Variants in HS6ST2 observed in about 807,000 individuals in gnomAD.
HS6ST2 encodes heparan-sulfate 6-O-sulfotransferase 2.
A neutral mutation model predicts 33.0 loss-of-function variants in HS6ST2; 17 were observed. The ratio of observed to expected loss-of-function variants is 0.52; its 90% CI spans 0.35 to 0.77. HS6ST2 has a LOEUF of 0.77. Among genes scored for constraint, HS6ST2 ranks in the 30% least tolerant of loss-of-function variants. The probability of loss-of-function intolerance (pLI) is 0.01; values close to 1 mark genes in which losing one functional copy is unlikely to be tolerated. For synonymous variants in HS6ST2, 248 were observed against 237.1 expected, an observed-to-expected ratio of 1.05 and a Z score of -0.42; for missense variants, 519 against 551.7, an observed-to-expected ratio of 0.94 and a Z score of 0.59.
rs530839541 is a variant in HS6ST2, at chrX:132,682,638, C to CT, written c.981-13440dup. Among the ~76,000 whole-genome samples the CT allele has an allele frequency of 7.6e-3, 700 of 91,539 alleles. 2 individuals carry two copies. Among genetic ancestry groups the CT allele is most frequent in the African/African-American group, 0.015 (368 of 25,330 alleles). The allele number at this position is 91,539 out of a possible 115,157, so 79.5% of individuals were successfully genotyped here. A position where few individuals can be genotyped will look rare whatever the true frequency, so the allele number is the denominator to read the frequency against. ...ACTCCATCCACTCTAATGACGTTTA[C>CT]TTTTTTTTTTTTTTTTCAGAGCAGT... On this transcript the variant is annotated intron_variant, in intron 3 of 4. Coordinates refer to ENST00000370833, the MANE Select transcript of HS6ST2 (RefSeq NM_001394073.1).
intron 2 of HS6ST2, among the ~76,000 whole-genome samples, chrX:132,936,276 A>G (rs1260605815): frequency 9.0e-6 from 1 of 111,716 alleles, no homozygotes; most frequent in Non-Finnish European, 1.9e-5. Context: ...ACTGAAATTA[A>G]CTCACAAAGA....
intron 2 of HS6ST2, among the ~76,000 whole-genome samples, chrX:132,815,592 C>G (rs1280185415): frequency 8.9e-6 from 1 of 112,060 alleles, no homozygotes; most frequent in Non-Finnish European, 1.9e-5. Flanking sequence ...TTAATTTTGG[C>G]TCTGTTAGCT....
At chrX:132,824,820 C>T (rs1431205091) in intron 2 of HS6ST2, among the ~76,000 whole-genome samples, 1 of 112,265 alleles carries the variant, frequency 8.9e-6, no homozygotes, top group Non-Finnish European at 1.9e-5. Context: ...GCAGGGTCAA[C>T]ATTTTTTCCA....
At chrX:132,676,305 C>T (rs184484347) in intron 3 of HS6ST2, among the ~76,000 whole-genome samples, 3 of 111,923 alleles carry the variant, frequency 2.7e-5, no homozygotes, top group Admixed American at 9.4e-5. Context: ...AGGTTCCCGC[C>T]GGCAGGTGGC....
intron 4 of HS6ST2, among the ~76,000 whole-genome samples, chrX:132,661,505 T>A (rs1385285853): frequency 1.8e-5 from 2 of 111,522 alleles, no homozygotes; most frequent in Non-Finnish European, 3.8e-5. Context: ...GAAAAGCGTG[T>A]ATCCTGAAAA....
intron 4 of HS6ST2, among the ~76,000 whole-genome samples, chrX:132,637,742 TA>T (rs1347027401): frequency 1.3e-5 from 1 of 79,217 alleles, no homozygotes; most frequent in African/African-American, 4.8e-5. Context: ...TATATATATA[TA>T]AAAAATATAT....
chrX:132,845,400 G>C (rs1377834169), intron 2 of HS6ST2, among the ~76,000 whole-genome samples: 1 of 110,826 alleles, frequency 9.0e-6, no homozygotes, highest in Non-Finnish European at 1.9e-5. Context: ...TAATTCAAAA[G>C]GGAAGAACAT....
At chrX:132,683,562 T>G (rs1037892289) in intron 3 of HS6ST2, among the ~76,000 whole-genome samples, 2 of 111,948 alleles carry the variant, frequency 1.8e-5, no homozygotes, top group African/African-American at 6.5e-5. Context: ...AAGTGGAAAT[T>G]TTCTTCTTGA....
At chrX:132,642,438 T>C (rs977747424) in intron 4 of HS6ST2, among the ~76,000 whole-genome samples, 4 of 111,198 alleles carry the variant, frequency 3.6e-5, no homozygotes, top group African/African-American at 1.3e-4. Context: ...AAACCCTGGC[T>C]TTTTCTGGGG....
At chrX:132,662,953 T>C (rs1002151983) in intron 4 of HS6ST2, among the ~76,000 whole-genome samples, 2 of 111,718 alleles carry the variant, frequency 1.8e-5, no homozygotes, top group African/African-American at 6.5e-5. Flanking sequence ...GGTCACACTG[T>C]CCCCCACTGC....
intron 2 of HS6ST2, among the ~76,000 whole-genome samples, chrX:132,832,848 G>T (rs1249572887): frequency 9.0e-6 from 1 of 111,508 alleles, no homozygotes; most frequent in African/African-American, 3.3e-5. Context: ...ACACATCCAT[G>T]TAAAGTGTAC....
At chrX:132,779,209 A>C (rs780192608) in intron 2 of HS6ST2, among the ~76,000 whole-genome samples, 1 of 110,849 alleles carries the variant, frequency 9.0e-6, no homozygotes, top group African/African-American at 3.3e-5. Context: ...TGAAAACAAG[A>C]CTCCATCTTT....
chrX:132,710,238 G>A (rs1477237888), intron 2 of HS6ST2, among the ~76,000 whole-genome samples: 1 of 110,796 alleles, frequency 9.0e-6, no homozygotes, highest in Non-Finnish European at 1.9e-5. Context: ...TCAGAAGTGA[G>A]CCAAAGTTCA....
intron 2 of HS6ST2, among the ~76,000 whole-genome samples, chrX:132,859,327 G>A (rs1051027519): frequency 9.0e-6 from 1 of 111,583 alleles, no homozygotes; most frequent in African/African-American, 3.3e-5. Context: ...TGAAATATAA[G>A]GAAGAACTAT....
chrX:132,723,110 T>C (rs2064351770), intron 2 of HS6ST2, among the ~76,000 whole-genome samples: 1 of 111,142 alleles, frequency 9.0e-6, no homozygotes, highest in Non-Finnish European at 1.9e-5. Context: ...ACATACAACC[T>C]ACCAAGACTG....
In HS6ST2 at chrX:132,795,195, C is replaced by T. The variant is rs757826513; in HGVS notation, c.948-86701G>A. 7.2e-5 allele frequency among the ~76,000 whole-genome samples: 8 copies of T among 111,703 alleles called. No individual in the cohort carries two copies. The East Asian group carries it at 8.5e-4, about 12-fold the overall frequency. On this transcript the variant is annotated intron_variant, in intron 2 of 4. Coordinates refer to ENST00000370833, the MANE Select transcript of HS6ST2 (RefSeq NM_001394073.1). ...TCTTTCCCCCATCACCTACCAACCA[C>T]GAATCTGCTTTCTGTTTCTATGGAT... is the stretch of plus-strand genomic sequence containing the variant.
At chrX:132,666,427 C>T (rs1286882750) in intron 4 of HS6ST2, among the ~76,000 whole-genome samples, 2 of 111,642 alleles carry the variant, frequency 1.8e-5, no homozygotes, top group Non-Finnish European at 3.8e-5. Context: ...ATTACTACTA[C>T]TATTATTATC....
At chrX:132,671,446 CTTT>C (rs138709239) in intron 3 of HS6ST2, among the ~76,000 whole-genome samples, 39 of 91,244 alleles carry the variant, frequency 4.3e-4, no homozygotes, top group African/African-American at 6.8e-4. Flanking sequence ...CATTCATTCA[CTTT>C]TTTTTTTTTT....
chrX:132,934,792 T>C (rs1268785913), intron 2 of HS6ST2, among the ~76,000 whole-genome samples: 1 of 111,129 alleles, frequency 9.0e-6, no homozygotes, highest in Non-Finnish European at 1.9e-5. Flanking sequence ...TGTAGATGGA[T>C]GAAACAATCC....
Sources: gnomAD v4.1 joint callset for allele counts (sites outside exome capture counted in the v4.1 genomes callset) on GRCh38, gnomAD v4.1.1 for gene constraint, MANE v1.5 for transcripts, NCBI Gene and HGNC (gene_info 2026-07-23, HGNC 2026-07-21) for gene names.